AAK1: variants seen among roughly 807,000 people sequenced by gnomAD.
The protein encoded by AAK1 is AP2 associated kinase 1.
Under a neutral mutation model 116.0 loss-of-function variants are expected in AAK1, and 37 were observed. That is an observed-to-expected ratio of 0.32 (90% CI 0.25 to 0.42). AAK1 has a LOEUF of 0.42. AAK1 is among the 10% of genes least tolerant of loss of function. The pLI, the probability that AAK1 is intolerant of heterozygous loss-of-function variation, is 1.00. For missense variants in AAK1, 919 were observed against 1,170.6 expected, an observed-to-expected ratio of 0.79 and a Z score of 3.14; for synonymous variants, 458 against 439.9, an observed-to-expected ratio of 1.04 and a Z score of -0.51.
chr2:69,541,635 C>T (rs556736003), intron 5 of AAK1, among the ~76,000 whole-genome samples: 1 of 152,176 alleles, frequency 6.6e-6, no homozygotes, highest in African/African-American at 2.4e-5. Context: ...GCTGCTTTAT[C>T]CCAAAACCTT....
chr2:69,559,017 C>T (rs1224324001), intron 2 of AAK1, among the ~76,000 whole-genome samples: 1 of 124,404 alleles, frequency 8.0e-6, no homozygotes, highest in South Asian at 2.7e-4. Context: ...AAAATACACA[C>T]CTAATTTTGT....
intron 2 of AAK1, among the ~76,000 whole-genome samples, chr2:69,559,139 A>T (rs1369526735): frequency 6.6e-6 from 1 of 152,146 alleles, no homozygotes; most frequent in East Asian, 1.9e-4. Context: ...TCAAATAAAC[A>T]CTAAAATTTA....
chr2:69,466,047 A>T lies in AAK1; in HGVS notation c.*9822T>A. 1.5e-6 allele frequency: 2 copies of T among 1,290,908 alleles called. No homozygotes were observed. The highest frequency in any genetic ancestry group is 2.0e-6 in the Non-Finnish European group (2 of 988,880). 80.0% of individuals were successfully genotyped at this position (1,290,908 alleles called of 1,614,324 possible). ...GGAAGGAGCCATACTGCTCTTGGAGACAAATGGGGCTTTGGAGAAAATGTC... is the reference window on the plus strand; with the variant it reads ...GGAAGGAGCCATACTGCTCTTGGAGTCAAATGGGGCTTTGGAGAAAATGTC... On this transcript the variant is annotated 3_prime_UTR_variant, in exon 22 of 22. Transcript: ENST00000409085.
At chr2:69,591,524 T>TTC (rs1673029808) in intron 2 of AAK1, among the ~76,000 whole-genome samples, 2 of 78,012 alleles carry the variant, frequency 2.6e-5, no homozygotes, top group Admixed American at 1.8e-4. Context: ...TTTCTTTTTC[T>TTC]TTTTTTTTTT....
Position 69,526,995 on chromosome 2 carries a change from C to T in AAK1, c.975+221G>A, listed in dbSNP as rs1376759660. Among the ~76,000 whole-genome samples the T allele has an allele frequency of 8.5e-5, 13 of 152,162 alleles. No homozygotes were observed. The East Asian group carries it at 2.5e-3, about 29-fold the overall frequency. ...AAAGCGTCCAACTCAATCCCTAGGG[C>T]ATTTTTTTGTTCAGTACAATTGCTT... On this transcript the variant is annotated intron_variant, in intron 9 of 21. Transcript: ENST00000409085.
chr2:69,509,034 T>G (rs933672524), intron 14 of AAK1, among the ~76,000 whole-genome samples, 197 bp downstream of exon 14: 1 of 152,180 alleles, frequency 6.6e-6, no homozygotes, highest in Non-Finnish European at 1.5e-5. Context: ...AATTCACAGC[T>G]GCTCATTAAA....
At chr2:69,482,434 A>G (rs976883995) in intron 18 of AAK1, 4 of 600,454 alleles carry the variant, frequency 6.7e-6, no homozygotes, top group African/African-American at 5.6e-5. Flanking sequence ...AATTTTTTAA[A>G]GTTCTTCTAA....
Position 69,473,967 on chromosome 2 carries a change from T to C in AAK1, c.*1902A>G, listed in dbSNP as rs1674762469. The C allele has an allele frequency of 1.0e-6, 1 of 985,732 alleles. No individual in the cohort carries two copies. Among genetic ancestry groups the C allele is most frequent in the Non-Finnish European group, 1.2e-6 (1 of 829,944 alleles). The allele number at this position is 985,732 out of a possible 1,614,324, so 61.1% of individuals were successfully genotyped here. A position where few individuals can be genotyped will look rare whatever the true frequency, so the allele number is the denominator to read the frequency against. On this transcript the variant is annotated 3_prime_UTR_variant, in exon 22 of 22. Transcript: ENST00000409085. ...GCTTTTTAATCCTCGGCAGGAAGCTTGTGCCTCTCTCAGTTTTGGAAATGG... is the reference window on the plus strand; with the variant it reads ...GCTTTTTAATCCTCGGCAGGAAGCTCGTGCCTCTCTCAGTTTTGGAAATGG...
At chr2:69,584,288 T>G (rs1019067237) in intron 2 of AAK1, among the ~76,000 whole-genome samples, 2 of 152,228 alleles carry the variant, frequency 1.3e-5, no homozygotes, top group African/African-American at 4.8e-5. Context: ...GGTCATTACA[T>G]AATACCTCTT....
chr2:69,495,880 T>C (rs1006544507), intron 17 of AAK1, 105 bp downstream of exon 17: 13 of 899,318 alleles, frequency 1.4e-5, no homozygotes, highest in Middle Eastern at 3.0e-4. Context: ...TTATTAGGGC[T>C]TGGAATTCAG....
At chr2:69,626,663 C>CTTTTT (rs1205180498) in intron 2 of AAK1, among the ~76,000 whole-genome samples, 7 of 125,532 alleles carry the variant, frequency 5.6e-5, no homozygotes, top group Admixed American at 1.6e-4. Context: ...CCATGCCTGG[C>CTTTTT]TTTTTTTTTT....
At chr2:69,605,917 T>A (rs1158469763) in intron 2 of AAK1, among the ~76,000 whole-genome samples, 2 of 152,114 alleles carry the variant, frequency 1.3e-5, no homozygotes, top group African/African-American at 4.8e-5. Context: ...ACAGACCTCA[T>A]CTGTGGCATT....
Position 69,643,262 on chromosome 2 carries a change from T to C in AAK1, c.-222A>G. On this transcript the variant is annotated 5_prime_UTR_variant, in exon 2 of 22. Coordinates refer to ENST00000409085, the MANE Select transcript of AAK1 (RefSeq NM_014911.5). ...CCCTCCTCCTCCAGAAAGCGATTCG[T>C]GTAAGTTTAAACCTGTGATGACAGA... 1 of 1,407,468 alleles carries C rather than the reference T, an allele frequency of 7.1e-7. No homozygotes were observed. Among genetic ancestry groups the C allele is most frequent in the South Asian group, 1.7e-5 (1 of 59,816 alleles). 87.2% of individuals were successfully genotyped at this position (1,407,468 alleles called of 1,614,324 possible).
At chr2:69,502,961 T>C (rs1252871506) in intron 16 of AAK1, among the ~76,000 whole-genome samples, 1 of 152,200 alleles carries the variant, frequency 6.6e-6, no homozygotes, top group African/African-American at 2.4e-5. Context: ...CATTCTTCCA[T>C]GAACAATCAT....
At chr2:69,617,243 A>C (rs534270414) in intron 2 of AAK1, among the ~76,000 whole-genome samples, 52 of 152,354 alleles carry the variant, frequency 3.4e-4, no homozygotes, top group African/African-American at 1.3e-3. Context: ...AGAAGATATA[A>C]GTGAATTTTC....
At chr2:69,493,492 G>A (rs1675622325) in intron 17 of AAK1, among the ~76,000 whole-genome samples, 1 of 152,100 alleles carries the variant, frequency 6.6e-6, no homozygotes, top group Non-Finnish European at 1.5e-5. Flanking sequence ...TGGTGCCTGG[G>A]AGCTGGGACA....
chr2:69,542,420 C>T, intron 5 of AAK1, 103 bp downstream of exon 5: 2 of 1,375,816 alleles, frequency 1.5e-6, no homozygotes, highest in Non-Finnish European at 2.0e-6. Context: ...AAACAGGGAC[C>T]ATATCTTAAA....
intron 2 of AAK1, among the ~76,000 whole-genome samples, chr2:69,628,071 G>C (rs1674987596): frequency 6.6e-6 from 1 of 152,150 alleles, no homozygotes. Context: ...AGAAAAAAAG[G>C]AATGGAATCT....
chr2:69,486,928 G>T (rs1402333535), intron 17 of AAK1, among the ~76,000 whole-genome samples: 1 of 152,082 alleles, frequency 6.6e-6, no homozygotes, highest in Non-Finnish European at 1.5e-5. Flanking sequence ...TTATCAGACA[G>T]GTTAGCATTG....
Sources: allele counts gnomAD v4.1 joint callset (sites outside exome capture counted in the v4.1 genomes callset), GRCh38; gene constraint gnomAD v4.1.1; transcripts MANE v1.5; gene names NCBI Gene and HGNC (gene_info 2026-07-23, HGNC 2026-07-21).